Variants in WNT3 observed in about 807,000 individuals in gnomAD.
The protein encoded by WNT3 is Wnt family member 3.
In WNT3, 7 loss-of-function variants were observed where a neutral mutation model predicts 34.2. That is an observed-to-expected ratio of 0.20 (90% CI 0.12 to 0.38). The LOEUF is 0.38. Among genes scored for constraint, WNT3 ranks in the 10% least tolerant of loss-of-function variants. The pLI is 1.00. For missense variants in WNT3, 267 were observed against 499.8 expected (o/e 0.53, Z 4.44); for synonymous variants, 212 against 211.5 (o/e 1.00, Z -0.02).
intron 1 of WNT3, among the ~76,000 whole-genome samples, chr17:46,777,526 T>C (rs1399858600): frequency 6.6e-6 from 1 of 152,228 alleles, no homozygotes; most frequent in Non-Finnish European, 1.5e-5. Context: ...AGGAAGAAGG[T>C]GCCACTGAGC....
chr17:46,802,118 A>T (rs1447031886), intron 1 of WNT3, among the ~76,000 whole-genome samples: 1 of 152,180 alleles, frequency 6.6e-6, no homozygotes, highest in Non-Finnish European at 1.5e-5. Context: ...TTCCCAGCGT[A>T]CAACTCCTAA....
intron 1 of WNT3, among the ~76,000 whole-genome samples, chr17:46,796,420 G>T (rs949980332): frequency 2.0e-5 from 3 of 152,226 alleles, no homozygotes; most frequent in Non-Finnish European, 4.4e-5. Context: ...CCCTATCTCA[G>T]TGGGGAAACT....
At chr17:46,816,508 CA>C (rs1568100640) in intron 1 of WNT3, among the ~76,000 whole-genome samples, 1 of 141,092 alleles carries the variant, frequency 7.1e-6, no homozygotes, top group African/African-American at 2.5e-5. Context: ...CACACACACA[CA>C]CACACACCTC....
intron 1 of WNT3, among the ~76,000 whole-genome samples, chr17:46,788,916 G>C (rs901727186): frequency 6.6e-6 from 1 of 151,984 alleles, no homozygotes; most frequent in Non-Finnish European, 1.5e-5. Flanking sequence ...ACAGCTGCTA[G>C]CTCCACAGTT....
intron 1 of WNT3, among the ~76,000 whole-genome samples, chr17:46,802,352 G>T (rs559026647): frequency 6.6e-6 from 1 of 152,228 alleles, no homozygotes; most frequent in Non-Finnish European, 1.5e-5. Context: ...TGCAACCTCC[G>T]CCTCCTGGGT....
At chr17:46,802,739 C>T (rs571343043) in intron 1 of WNT3, among the ~76,000 whole-genome samples, 9 of 152,300 alleles carry the variant, frequency 5.9e-5, no homozygotes, top group Admixed American at 6.5e-5. Context: ...TTCCGGATAG[C>T]GGAACACGTG....
At chr17:46,813,054 G>A (rs190245126) in intron 1 of WNT3, among the ~76,000 whole-genome samples, 1 of 152,096 alleles carries the variant, frequency 6.6e-6, no homozygotes, top group South Asian at 2.1e-4. Context: ...GAGTGTTTGG[G>A]GCGAGGTTTG....
chr17:46,783,255 C>T (rs193193770), intron 1 of WNT3, among the ~76,000 whole-genome samples: 171 of 152,302 alleles, frequency 1.1e-3, no homozygotes, highest in African/African-American at 3.8e-3. Flanking sequence ...GCTCTAAGCC[C>T]AGTGGGCTCC....
In WNT3 at chr17:46,764,349, C is replaced by T. The variant is rs1368597081; in HGVS notation, c.*281G>A. ...CTTTAACATGTGCAAAGATAAGCCT[C>T]AGGTCTGTTCCTATCAGACCCTAGA... On this transcript the variant is annotated 3_prime_UTR_variant, in exon 5 of 5. Transcript: ENST00000225512. The T allele has an allele frequency of 2.0e-5, 3 of 152,616 alleles. No homozygotes were observed. Among genetic ancestry groups the T allele is most frequent in the Admixed American group, 6.5e-5 (1 of 15,276 alleles). The allele number at this position is 152,616 out of a possible 1,614,324, so 9.5% of individuals were successfully genotyped here. A position where few individuals can be genotyped will look rare whatever the true frequency, so the allele number is the denominator to read the frequency against.
At chr17:46,780,592 C>CCTGGCCAACAT (rs2059452052) in intron 1 of WNT3, among the ~76,000 whole-genome samples, 1 of 151,826 alleles carries the variant, frequency 6.6e-6, no homozygotes, top group Non-Finnish European at 1.5e-5. Context: ...ATCGAGACCA[C>CCTGGCCAACAT]GGTGAAACCC....
intron 1 of WNT3, among the ~76,000 whole-genome samples, chr17:46,791,899 G>A (rs149076042): frequency 6.6e-6 from 1 of 152,174 alleles, no homozygotes; most frequent in Non-Finnish European, 1.5e-5. Flanking sequence ...AATTAGCTGG[G>A]TGTGGTGGTG....
At chr17:46,771,381 C>T (rs962054311) in intron 2 of WNT3, among the ~76,000 whole-genome samples, 88 of 151,678 alleles carry the variant, frequency 5.8e-4, no homozygotes, top group Middle Eastern at 6.9e-3. Context: ...GAAGAGGGGC[C>T]GAGGGCGGGT....
intron 1 of WNT3, among the ~76,000 whole-genome samples, chr17:46,797,879 A>G (rs889751092): frequency 2.6e-5 from 4 of 152,236 alleles, no homozygotes; most frequent in African/African-American, 9.6e-5. Context: ...AATGCTAAAA[A>G]TAGGCAAAAT....
chr17:46,805,110 G>A (rs952139740), intron 1 of WNT3, among the ~76,000 whole-genome samples: 1 of 152,120 alleles, frequency 6.6e-6, no homozygotes, highest in African/African-American at 2.4e-5. Context: ...CCCACTGGAA[G>A]GAACCAACTC....
intron 1 of WNT3, among the ~76,000 whole-genome samples, chr17:46,804,215 GC>G (rs1023986063): frequency 5.9e-5 from 9 of 152,010 alleles, no homozygotes; most frequent in African/African-American, 2.2e-4. Flanking sequence ...AGCCTCCCCA[GC>G]AGCTGGGACT....
intron 1 of WNT3, among the ~76,000 whole-genome samples, chr17:46,790,359 G>T (rs2083967123): frequency 6.6e-6 from 1 of 152,090 alleles, no homozygotes; most frequent in South Asian, 2.1e-4. Flanking sequence ...ATAGTAAGTG[G>T]CCCTGCTGAG....
intron 1 of WNT3, among the ~76,000 whole-genome samples, chr17:46,817,155 C>G (rs988991287): frequency 6.6e-6 from 1 of 152,238 alleles, no homozygotes; most frequent in Non-Finnish European, 1.5e-5. Flanking sequence ...CACCCAGACA[C>G]AAATGCTGCC....
At chr17:46,800,846 C>T (rs964351846) in intron 1 of WNT3, among the ~76,000 whole-genome samples, 7 of 152,076 alleles carry the variant, frequency 4.6e-5, no homozygotes, top group Non-Finnish European at 1.0e-4. Context: ...GCTGGGGCCG[C>T]GGTGCTGAGG....
intron 1 of WNT3, among the ~76,000 whole-genome samples, chr17:46,792,778 CATT>C (rs1345337072): frequency 6.6e-6 from 1 of 152,172 alleles, no homozygotes; most frequent in Non-Finnish European, 1.5e-5. Flanking sequence ...GGCCAGTGGC[CATT>C]ATTAATAATA....
Sources: gnomAD v4.1 joint callset for allele counts (sites outside exome capture counted in the v4.1 genomes callset) on GRCh38, gnomAD v4.1.1 for gene constraint, MANE v1.5 for transcripts, NCBI Gene and HGNC (gene_info 2026-07-23, HGNC 2026-07-21) for gene names.